The following CENPW variants were observed in gnomAD, a reference collection of about 807,000 sequenced individuals.
CENPW encodes the protein centromere protein W.
A neutral mutation model predicts 11.1 loss-of-function variants in CENPW; 3 were observed. That is an observed-to-expected ratio of 0.27 (90% CI 0.12 to 0.70). CENPW has a LOEUF of 0.70. Ranked by LOEUF, CENPW falls within the 30% of genes least tolerant of loss-of-function variation. CENPW has a pLI of 0.77. For synonymous variants in CENPW, 38 were observed against 42.0 expected (o/e 0.91, Z 0.37); for missense variants, 100 against 105.6 (o/e 0.95, Z 0.23).
the CENPW span, among the ~76,000 whole-genome samples, chr6:126,394,698 GC>G: frequency 6.6e-6 from 1 of 151,924 alleles, no homozygotes; most frequent in South Asian, 2.1e-4. Flanking sequence ...ACTTCCTTTA[GC>G]ATTTCTTGTC....
the CENPW span, among the ~76,000 whole-genome samples, chr6:126,432,697 T>C: frequency 6.6e-6 from 1 of 152,156 alleles, no homozygotes. Context: ...GCTCTGTCCA[T>C]TCTAATGCCT....
the CENPW span, among the ~76,000 whole-genome samples, chr6:126,453,357 G>A: frequency 1.3e-5 from 2 of 151,158 alleles, no homozygotes; most frequent in Non-Finnish European, 3.0e-5. Context: ...TGCTAACCAC[G>A]GACCTTTCAG....
chr6:126,347,900 AT>A (rs1304202260), intron 2 of CENPW, among the ~76,000 whole-genome samples: 2 of 151,918 alleles, frequency 1.3e-5, no homozygotes, highest in Non-Finnish European at 2.9e-5. Context: ...GCCACAGACT[AT>A]TATTTTGAAA....
the CENPW span, among the ~76,000 whole-genome samples, chr6:126,379,385 A>T: frequency 2.0e-5 from 3 of 152,176 alleles, no homozygotes; most frequent in African/African-American, 7.2e-5. Context: ...GGCTAAATTT[A>T]TTGGAAGAAC....
At chr6:126,390,249 C>T in the CENPW span, among the ~76,000 whole-genome samples, 1 of 151,866 alleles carries the variant, frequency 6.6e-6, no homozygotes, top group East Asian at 1.9e-4. Context: ...TAACTGGTCT[C>T]CCCATATCTG....
the CENPW span, among the ~76,000 whole-genome samples, chr6:126,462,958 A>G: frequency 4.9e-4 from 75 of 152,176 alleles, no homozygotes; most frequent in African/African-American, 1.7e-3. Flanking sequence ...TATCTAAAAC[A>G]TATCATTTTG....
chr6:126,416,117 C>A, the CENPW span, among the ~76,000 whole-genome samples: 1 of 152,216 alleles, frequency 6.6e-6, no homozygotes, highest in Admixed American at 6.5e-5. Context: ...CTGAGGTGGT[C>A]TCAGATGGAA....
chr6:126,470,843 C>A, the CENPW span, among the ~76,000 whole-genome samples: 1 of 152,328 alleles, frequency 6.6e-6, no homozygotes, highest in South Asian at 2.1e-4. Flanking sequence ...TGCACAGGGC[C>A]TGTGGCCCCT....
At chr6:126,407,563 G>A in the CENPW span, among the ~76,000 whole-genome samples, 3 of 152,090 alleles carry the variant, frequency 2.0e-5, no homozygotes, top group Non-Finnish European at 4.4e-5. Context: ...TAGTGTAAAA[G>A]CATTATTTTT....
chr6:126,352,471 A>G (rs1780502679), downstream of CENPW, among the ~76,000 whole-genome samples: 1 of 152,160 alleles, frequency 6.6e-6, no homozygotes, highest in Admixed American at 6.5e-5. Context: ...TACTCCAGTT[A>G]TCACCAGTAA....
chr6:126,448,670 T>C, the CENPW span, among the ~76,000 whole-genome samples: 1 of 150,914 alleles, frequency 6.6e-6, no homozygotes, highest in Non-Finnish European at 1.5e-5. Flanking sequence ...AATCCTAGGG[T>C]CAAGGAAGCA....
the CENPW span, among the ~76,000 whole-genome samples, chr6:126,416,219 T>G: frequency 2.0e-5 from 3 of 152,140 alleles, no homozygotes; most frequent in African/African-American, 7.2e-5. Flanking sequence ...GCTCTAGGGA[T>G]TTATGGAACG....
At chr6:126,391,372 G>A in the CENPW span, among the ~76,000 whole-genome samples, 2 of 151,548 alleles carry the variant, frequency 1.3e-5, no homozygotes, top group East Asian at 1.9e-4. Flanking sequence ...GGTTATTAAC[G>A]CCTTTTCAGA....
chr6:126,413,729 C>T, the CENPW span, among the ~76,000 whole-genome samples: 5 of 151,550 alleles, frequency 3.3e-5, no homozygotes, highest in Non-Finnish European at 7.4e-5. Context: ...CACCATATCA[C>T]GATGATAAAA....
chr6:126,364,592 C>T, the CENPW span, among the ~76,000 whole-genome samples: 4 of 152,144 alleles, frequency 2.6e-5, no homozygotes, highest in African/African-American at 9.6e-5. Context: ...AAGCACATAA[C>T]CCTCCATTTC....
chr6:126,376,935 T>A, the CENPW span, among the ~76,000 whole-genome samples: 6 of 152,206 alleles, frequency 3.9e-5, no homozygotes, highest in Non-Finnish European at 8.8e-5. Flanking sequence ...AAAGTCACTC[T>A]GAGATGAATT....
At chr6:126,401,137 C>G in the CENPW span, among the ~76,000 whole-genome samples, 2 of 152,182 alleles carry the variant, frequency 1.3e-5, no homozygotes, top group East Asian at 3.9e-4. Flanking sequence ...GTAAGAATAA[C>G]TGAAATAAAG....
At chr6:126,461,879 TAAGGTTTCTAGTGGTAAC>T in the CENPW span, among the ~76,000 whole-genome samples, 3 of 151,978 alleles carry the variant, frequency 2.0e-5, no homozygotes, top group South Asian at 6.2e-4. Flanking sequence ...AGATGATCTC[TAAGGTTTCTAGTGGTAAC>T]AATCCTGAAT....
the CENPW span, among the ~76,000 whole-genome samples, chr6:126,441,495 G>T: frequency 7.9e-5 from 12 of 151,472 alleles, no homozygotes; most frequent in Non-Finnish European, 1.5e-4. Flanking sequence ...TGGGGGAACA[G>T]GTGGTGTTTG....
Sources: gnomAD v4.1 joint callset for allele counts (sites outside exome capture counted in the v4.1 genomes callset) on GRCh38, gnomAD v4.1.1 for gene constraint, MANE v1.5 for transcripts, NCBI Gene and HGNC (gene_info 2026-07-23, HGNC 2026-07-21) for gene names.